Variants in NPC1 observed in about 807,000 individuals in gnomAD.
The protein encoded by NPC1 is NPC intracellular cholesterol transporter 1.
NPC1 carries 85 observed loss-of-function variants against 140.4 expected under a neutral mutation model. The ratio of observed to expected loss-of-function variants is 0.61; its 90% CI spans 0.51 to 0.72. The LOEUF is 0.72. NPC1 is among the 30% of genes least tolerant of loss of function. The probability of loss-of-function intolerance (pLI) is 0.00; values close to 1 mark genes in which losing one functional copy is unlikely to be tolerated. For synonymous variants in NPC1, 656 were observed against 624.8 expected, an observed-to-expected ratio of 1.05 and a Z score of -0.74; for missense variants, 1,504 against 1,623.8, an observed-to-expected ratio of 0.93 and a Z score of 1.27.
chr18:23,525,506 C>T (rs1253415843), downstream of NPC1, among the ~76,000 whole-genome samples: 1 of 151,958 alleles, frequency 6.6e-6, no homozygotes, highest in Non-Finnish European at 1.5e-5. Context: ...CTCACTGCAA[C>T]CTCCAACTCC....
rs1436002950 is a variant in NPC1, at chr18:23,532,121, G to A, written c.*81C>T. On this transcript the variant is annotated 3_prime_UTR_variant, in exon 25 of 25. Transcript: ENST00000269228. The stretch of plus-strand genomic sequence containing the variant: ...GTTGGCACCATCCGGTGTTCAACTT[G>A]GCCTTGCCGATGCAGCACCCGTCCA... The A allele has an allele frequency of 6.2e-7, 1 of 1,613,820 alleles. No homozygotes were observed. The highest frequency in any genetic ancestry group is 8.5e-7 in the Non-Finnish European group (1 of 1,179,930).
In NPC1 at chr18:23,561,510, G is replaced by C; in HGVS notation, c.481C>G (p.Arg161Gly). 6.2e-7 allele frequency: 1 copy of C among 1,614,052 alleles called. No homozygotes were observed. The highest frequency in any genetic ancestry group is 8.5e-7 in the Non-Finnish European group (1 of 1,179,988). The change falls in exon 5 of 25, where the codon CGG becomes GGG. Residue 161 changes from arginine (R) to glycine (G), a missense_variant. By Grantham distance (125) the Arg-to-Gly change is moderately radical (BLOSUM62 -2). Transcript: ENST00000269228. ...SFANAMYNAC[R>G]DVEAPSSNDK... ...TTACTTGAGGGGGCCTCCACATCCC[G>C]GCAGGCATTGTACATTGCTAGAAGA...
At chr18:23,519,250 G>A, downstream of NPC1, 5 of 1,304,428 alleles carry the variant, frequency 3.8e-6, no homozygotes, top group South Asian at 4.8e-5. Flanking sequence ...GGGCACGGTG[G>A]ATCACGCCTG....
chr18:23,556,681 G>T lies in NPC1; in HGVS notation c.956-68C>A, dbSNP rs563851519. On this transcript the variant is annotated intron_variant, in intron 7 of 24. Transcript: ENST00000269228. ...AAGCCGTTCCTGAAAGTCGGAACAG[G>T]GAAAGCATTAGTTGCTATCTCATGG... 3.8e-6 allele frequency: 6 copies of T among 1,593,320 alleles called. No homozygotes were observed. The African/African-American group carries it at 8.1e-5, about 21-fold the overall frequency.
At chr18:23,542,784 G>A (rs1363025893) in intron 14 of NPC1, among the ~76,000 whole-genome samples, 3 of 152,196 alleles carry the variant, frequency 2.0e-5, no homozygotes, top group Non-Finnish European at 4.4e-5. Context: ...GCTGCTTAGA[G>A]TGTCATGTGG....
downstream of NPC1, chr18:23,529,309 G>T: frequency 6.2e-7 from 1 of 1,602,762 alleles, no homozygotes. Flanking sequence ...GTGGGCTGCA[G>T]CTTTCCGCCT....
chr18:23,516,144 C>A, intron 3 of NPC1: 1 of 1,357,392 alleles, frequency 7.4e-7, no homozygotes, highest in Non-Finnish European at 1.0e-6. Context: ...GTATACCCGT[C>A]AGCTCCTGGA....
rs376980859 is a variant in NPC1, at chr18:23,541,133, A to G, written c.2449T>C (p.Leu817=). Residue 817 remains leucine, a synonymous_variant, in exon 16 of 25, where the codon TTG becomes CTG. Transcript: ENST00000269228. ...TAGGAGTTTTTGAAGAAGCGAAACA[A>G]ACAGCTCTCTGAGGCCTGGACGCTT... is the stretch of plus-strand genomic sequence containing the variant. ...GTSVQASESC[L]FRFFKNSYSP... is the part of the protein sequence containing the mutation. The G allele has an allele frequency of 8.7e-6, 14 of 1,614,108 alleles. No individual in the cohort carries two copies. The highest frequency in any genetic ancestry group is 4.0e-5 in the African/African-American group (3 of 74,930).
At chr18:23,534,782 C>A (rs117749200) in intron 22 of NPC1, among the ~76,000 whole-genome samples, 1 of 152,170 alleles carries the variant, frequency 6.6e-6, no homozygotes, top group African/African-American at 2.4e-5. Context: ...TTCTGTGGCA[C>A]GTTTGTGTTG....
chr18:23,536,768 G>A lies in NPC1; in HGVS notation c.3150C>T (p.Asp1050=). The A allele has an allele frequency of 6.2e-7, 1 of 1,614,218 alleles. No homozygotes were observed. Residue 1050 remains aspartate (D), a synonymous_variant, in exon 21 of 25, where the codon GAC becomes GAT. Coordinates refer to ENST00000269228, the MANE Select transcript of NPC1 (RefSeq NM_000271.5). ...GGGCTTTCTTCAGAGCGTCAATAAA[G>A]TCAGCAGAGGTCTGCAGCACGGTGT... is the stretch of plus-strand genomic sequence containing the variant. The part of the protein sequence containing the change: ...TYHTVLQTSA[D]FIDALKKARL...
downstream of NPC1, among the ~76,000 whole-genome samples, chr18:23,517,707 G>A (rs998351747): frequency 4.0e-5 from 6 of 151,228 alleles, no homozygotes; most frequent in African/African-American, 7.3e-5. Context: ...GTACTCTTCT[G>A]TGGCATTCCT....
intron 4 of NPC1, among the ~76,000 whole-genome samples, chr18:23,565,444 G>C (rs533644834): frequency 6.6e-6 from 1 of 152,138 alleles, no homozygotes; most frequent in South Asian, 2.1e-4. Flanking sequence ...CAACCACCGC[G>C]TCCCAGGTTC....
At chr18:23,536,391 G>C (rs376528716) in intron 21 of NPC1, among the ~76,000 whole-genome samples, 2 of 152,158 alleles carry the variant, frequency 1.3e-5, no homozygotes, top group Non-Finnish European at 2.9e-5. Flanking sequence ...CTCTCCAAGC[G>C]CCCCCTGCCT....
downstream of NPC1, chr18:23,530,256 T>G (rs756666235): frequency 6.2e-7 from 1 of 1,614,240 alleles, no homozygotes; most frequent in Non-Finnish European, 8.5e-7. Context: ...CCTAGAGAGT[T>G]TCTATCCTCC....
rs547853446 is a variant in NPC1 at position 23,548,307 on chromosome 18, G to A, written c.1655-199C>T. ...GAATAAAAAGGATTTTTTATCTGAG[G>A]TAGGCATGGTTATCATTCAGGAAGA... On this transcript the variant is annotated intron_variant, in intron 10 of 24. Transcript: ENST00000269228. Among the ~76,000 whole-genome samples the A allele has an allele frequency of 1.1e-4, 17 of 151,056 alleles. 1 individual carries two copies. The South Asian group carries it at 3.6e-3, about 32-fold the overall frequency.
intron 1 of NPC1, among the ~76,000 whole-genome samples, chr18:23,585,464 G>A (rs1343319114): frequency 2.0e-5 from 3 of 152,096 alleles, no homozygotes; most frequent in Non-Finnish European, 4.4e-5. Flanking sequence ...TCCTATTGAC[G>A]CCACACCTAT....
intron 1 of NPC1, among the ~76,000 whole-genome samples, chr18:23,578,366 A>G (rs1311125117): frequency 1.3e-5 from 2 of 152,244 alleles, no homozygotes; most frequent in South Asian, 4.1e-4. Context: ...TCTCAATAAA[A>G]GAGAATCAGC....
chr18:23,540,350 G>A, intron 17 of NPC1, 98 bp downstream of exon 17: 1 of 800,156 alleles, frequency 1.2e-6, no homozygotes, highest in Admixed American at 2.1e-5. Context: ...GCAGTTAGAA[G>A]CAGGCACTTG....
In NPC1 at chr18:23,534,531, C is replaced by A. The variant is rs139612110; in HGVS notation, c.3506G>T (p.Ser1169Ile). Residue 1169 changes from serine to isoleucine, a missense_variant, in exon 23 of 25, where the codon AGC (serine) becomes ATC (isoleucine). Physicochemically the swap from Ser to Ile is moderately radical, Grantham distance 142. Transcript: ENST00000269228. ...CACCGTGAACGCTCTGGTTATGTGGCTGCAGAACTCCACGGAGATGCCACA... is the reference window on the plus strand; with the variant it reads ...CACCGTGAACGCTCTGGTTATGTGGATGCAGAACTCCACGGAGATGCCACA... ...MSCGISVEFC[S>I]HITRAFTVSM... The A allele has an allele frequency of 5.0e-6, 8 of 1,614,008 alleles. No homozygotes were observed. In the African/African-American group the frequency reaches 1.1e-4, roughly 22 times the overall value.
Sources: allele counts gnomAD v4.1 joint callset (sites outside exome capture counted in the v4.1 genomes callset), GRCh38; gene constraint gnomAD v4.1.1; transcripts MANE v1.5; gene names NCBI Gene and HGNC (gene_info 2026-07-23, HGNC 2026-07-21).